SLBP: variants seen among roughly 807,000 people sequenced by gnomAD.
SLBP encodes stem-loop histone mRNA binding protein, also known as histone RNA hairpin-binding protein.
In SLBP, 29 loss-of-function variants were observed where a neutral mutation model predicts 39.2. The ratio of observed to expected loss-of-function variants is 0.74; its 90% CI spans 0.55 to 1.01. The LOEUF (loss-of-function observed/expected upper bound fraction) is 1.01, where lower values mean the gene tolerates loss of function less well. Ranked by LOEUF, SLBP falls within the 50% of genes least tolerant of loss-of-function variation. SLBP has a pLI of 0.00. For missense variants in SLBP, 390 were observed against 350.2 expected (o/e 1.11, Z -0.91); for synonymous variants, 129 against 118.7 (o/e 1.09, Z -0.57).
In SLBP at chr4:1,694,841, CTG is replaced by C. The variant is rs1197954127; in HGVS notation, c.630-3_630-2del. ...TGCAGATTCAAGGTCTACAGGGTGTCTGTTAAACAAGATCCAACATGTGCGTC... is the reference window on the plus strand; with the variant it reads ...TGCAGATTCAAGGTCTACAGGGTGTCTTAAACAAGATCCAACATGTGCGTC... On this transcript the variant is annotated splice_acceptor_variant and splice_polypyrimidine_tract_variant and intron_variant, in intron 6 of 7. Coordinates refer to ENST00000489418, the MANE Select transcript of SLBP (RefSeq NM_006527.4). LOFTEE classifies it high-confidence loss of function. The C allele has an allele frequency of 3.1e-6, 5 of 1,611,424 alleles. No individual in the cohort carries two copies. Among genetic ancestry groups the C allele is most frequent in the Non-Finnish European group, 4.2e-6 (5 of 1,177,654 alleles).
At chr4:1,701,154 T>TC (rs1716312395) in intron 3 of SLBP, among the ~76,000 whole-genome samples, 1 of 148,620 alleles carries the variant, frequency 6.7e-6, no homozygotes, top group Non-Finnish European at 1.5e-5. Context: ...TTCTTTTTTT[T>TC]TTTTTTTTTG....
intron 2 of SLBP, among the ~76,000 whole-genome samples, chr4:1,707,721 C>A (rs1014375744): frequency 5.3e-5 from 8 of 151,128 alleles, no homozygotes; most frequent in Non-Finnish European, 8.9e-5. Context: ...CTGAGGCGGG[C>A]GGATCACAAG....
intron 3 of SLBP, among the ~76,000 whole-genome samples, chr4:1,703,371 T>C (rs984685305): frequency 1.3e-5 from 2 of 149,586 alleles, no homozygotes; most frequent in Admixed American, 1.3e-4. Flanking sequence ...CTTGAAAGAG[T>C]GGACCCGCCT....
chr4:1,710,868 G>C (rs1370529651), intron 2 of SLBP, among the ~76,000 whole-genome samples: 1 of 151,668 alleles, frequency 6.6e-6, no homozygotes, highest in Admixed American at 6.6e-5. Context: ...TGGTCAACAT[G>C]GTGAAACCCT....
chr4:1,702,883 C>G (rs1048590012), intron 3 of SLBP, among the ~76,000 whole-genome samples: 1 of 152,124 alleles, frequency 6.6e-6, no homozygotes, highest in African/African-American at 2.4e-5. Context: ...AGAGAGCACT[C>G]CATCTACTGT....
chr4:1,693,967 G>T (rs551521163), intron 7 of SLBP, among the ~76,000 whole-genome samples: 1 of 152,362 alleles, frequency 6.6e-6, no homozygotes, highest in South Asian at 2.1e-4. Context: ...ACTAGTCACT[G>T]TGCCTGGCCA....
intron 4 of SLBP, 147 bp from the exon 5 acceptor site, chr4:1,699,848 T>A: frequency 1.2e-6 from 1 of 847,748 alleles, no homozygotes; most frequent in Non-Finnish European, 1.8e-6. Context: ...GGAGACTGCA[T>A]GTATGGGAAT....
chr4:1,711,975 C>T lies in SLBP; in HGVS notation c.75G>A (p.Ala25=). 7.7e-7 allele frequency: 1 copy of T among 1,301,402 alleles called. No homozygotes were observed. Among genetic ancestry groups the T allele is most frequent in the Non-Finnish European group, 9.8e-7 (1 of 1,025,322 alleles). 80.6% of individuals were successfully genotyped at this position (1,301,402 alleles called of 1,614,324 possible). Residue 25 remains alanine (A), a synonymous_variant, in exon 2 of 8, where the codon GCG becomes GCA. Coordinates refer to ENST00000489418, the MANE Select transcript of SLBP (RefSeq NM_006527.4). The part of the protein sequence containing the change: ...CDGDASPPSP[A]RWSLGRKRRA... Reference sequence around the variant, plus strand: ...TGCGCTTCCGTCCCAGGCTCCATCGCGCGGGGGACGGCGGGCTGCGGGGAG... The same window carrying T: ...TGCGCTTCCGTCCCAGGCTCCATCGTGCGGGGGACGGCGGGCTGCGGGGAG...
chr4:1,695,371 C>T (rs1466080271), intron 6 of SLBP, among the ~76,000 whole-genome samples: 1 of 152,140 alleles, frequency 6.6e-6, no homozygotes, highest in African/African-American at 2.4e-5. Flanking sequence ...GGCTCAGGAC[C>T]AGAGGGGAGC....
intron 2 of SLBP, 118 bp from the exon 3 acceptor site, chr4:1,703,818 C>T (rs1716420119): frequency 2.6e-6 from 2 of 756,108 alleles, no homozygotes; most frequent in East Asian, 5.1e-5. Flanking sequence ...GTAATACCAG[C>T]ACTTTGGAAA....
chr4:1,708,638 T>C (rs142304601), intron 2 of SLBP, among the ~76,000 whole-genome samples: 2 of 152,342 alleles, frequency 1.3e-5, no homozygotes, highest in African/African-American at 2.4e-5. Flanking sequence ...AATGACCATA[T>C]ACTACATGCC....
chr4:1,697,993 G>A (rs548607796), intron 5 of SLBP, among the ~76,000 whole-genome samples: 5 of 151,936 alleles, frequency 3.3e-5, no homozygotes, highest in Non-Finnish European at 5.9e-5. Flanking sequence ...CAGGTGTGGC[G>A]GCATGCACCG....
At chr4:1,709,736 T>C (rs924020627) in intron 2 of SLBP, among the ~76,000 whole-genome samples, 1 of 151,948 alleles carries the variant, frequency 6.6e-6, no homozygotes, top group Admixed American at 6.6e-5. Flanking sequence ...CTCAGCCTCC[T>C]GAGTAGCTGG....
intron 2 of SLBP, among the ~76,000 whole-genome samples, chr4:1,709,580 T>A (rs1009261587): frequency 1.3e-5 from 2 of 151,532 alleles, no homozygotes; most frequent in African/African-American, 4.8e-5. Flanking sequence ...GACGCCTGCC[T>A]CCCTTTCACT....
chr4:1,702,245 A>G (rs191587593), intron 3 of SLBP, among the ~76,000 whole-genome samples: 2 of 152,360 alleles, frequency 1.3e-5, no homozygotes, highest in Non-Finnish European at 2.9e-5. Flanking sequence ...ACCTATATAA[A>G]TGCAATAATT....
intron 2 of SLBP, among the ~76,000 whole-genome samples, chr4:1,707,603 A>C (rs779163393): frequency 5.9e-5 from 9 of 152,186 alleles, no homozygotes; most frequent in Non-Finnish European, 1.3e-4. Context: ...ACATAAACTC[A>C]CATTTTTATT....
At chr4:1,703,564 A>C (rs1716409044) in intron 3 of SLBP, 32 bp downstream of exon 3, 1 of 1,335,614 alleles carries the variant, frequency 7.5e-7, no homozygotes. Context: ...AACGCCACAG[A>C]TTAACACTTC....
In SLBP at chr4:1,706,749, T is replaced by C. The variant is rs933434272; in HGVS notation, c.177-3049A>G. ...TGGACCCAGGAGGTGGAAGTTGCAG[T>C]GATCCACCAGGCGGAGTTGCAGTGA... On this transcript the variant is annotated intron_variant, in intron 2 of 7. Transcript: ENST00000489418. Among the ~76,000 whole-genome samples the C allele has an allele frequency of 3.3e-5, 5 of 151,972 alleles. No homozygotes were observed. The South Asian group carries it at 8.3e-4, about 25-fold the overall frequency.
rs1466927518 is a variant in SLBP at position 1,712,141 on chromosome 4, G to A, written c.48C>T (p.Asp16=). 3 of 1,230,826 alleles carry A rather than the reference G, an allele frequency of 2.4e-6. No individual in the cohort carries two copies. Among genetic ancestry groups the A allele is most frequent in the African/African-American group, 1.6e-5 (1 of 63,858 alleles). The allele number at this position is 1,230,826 out of a possible 1,614,324, so 76.2% of individuals were successfully genotyped here. The change falls in exon 1 of 8, where the codon GAC becomes GAT. Residue 16 remains aspartate, a synonymous_variant. Transcript: ENST00000489418. The part of the protein sequence containing the change: ...RSPPRHQSRC[D]GDASPPSPAR... ...CAGCCCGGCCTCACCTGGCGTCACC[G>A]TCGCAGCGGCTCTGATGCCTCGGCG...
Sources: gnomAD v4.1 joint callset for allele counts (sites outside exome capture counted in the v4.1 genomes callset) on GRCh38, gnomAD v4.1.1 for gene constraint, MANE v1.5 for transcripts, NCBI Gene and HGNC (gene_info 2026-07-23, HGNC 2026-07-21) for gene names.